LTF: variants seen among roughly 807,000 people sequenced by gnomAD.
The protein encoded by LTF is lactotransferrin, also known as epididymis luminal protein 110.
A neutral mutation model predicts 87.2 loss-of-function variants in LTF; 91 were observed. The ratio of observed to expected loss-of-function variants is 1.04; its 90% CI spans 0.88 to 1.24. The LOEUF (loss-of-function observed/expected upper bound fraction) is 1.24. Ranked by LOEUF, LTF falls within the 50% of genes most tolerant of loss-of-function variation. The pLI is 0.00. For missense variants in LTF, 901 were observed against 904.3 expected (o/e 1.00, Z 0.05); for synonymous variants, 378 against 356.1 (o/e 1.06, Z -0.69).
intron 6 of LTF, chr3:46,454,052 G>A: frequency 1.9e-6 from 1 of 513,868 alleles, no homozygotes; most frequent in Non-Finnish European, 3.5e-6. Flanking sequence ...ATGTGTCTTG[G>A]AGGACTGGAG....
At position 46,435,961 on chromosome 3, in the gene LTF, T is replaced by C. The variant is rs1702375771; in HGVS notation, c.*234A>G. 1 of 562,352 alleles carries C rather than the reference T, an allele frequency of 1.8e-6. No individual in the cohort carries two copies. Among genetic ancestry groups the C allele is most frequent in the Non-Finnish European group, 3.2e-6 (1 of 315,168 alleles). The allele number at this position is 562,352 out of a possible 1,614,324, so 34.8% of individuals were successfully genotyped here. ...AACTGTACAGGTATTTTGTCAGGCA[T>C]GTGATTTCAGTATAAAATTCTAGAA... On this transcript the variant is annotated 3_prime_UTR_variant, in exon 17 of 17. Transcript: ENST00000231751.
chr3:46,455,032 C>G (rs1702892073), intron 5 of LTF, among the ~76,000 whole-genome samples: 1 of 152,190 alleles, frequency 6.6e-6, no homozygotes, highest in Admixed American at 6.5e-5. Context: ...ATTCAGGGCT[C>G]TCTGAGGTAA....
In LTF at chr3:46,462,914, C is replaced by T. The variant is rs199831254; in HGVS notation, c.43+1911G>A. On this transcript the variant is annotated intron_variant, in intron 1 of 16. Coordinates refer to ENST00000231751, the MANE Select transcript of LTF (RefSeq NM_002343.6). ...GCCGGAGGTGGGGGCTGAGCAATGA[C>T]GGGAACCTGTGGGCAGAGTTCATTT... Among the ~76,000 whole-genome samples, 8 of 152,012 alleles carry T rather than the reference C, an allele frequency of 5.3e-5. No individual in the cohort carries two copies. In the East Asian group the frequency reaches 9.7e-4, roughly 18 times the overall value.
At chr3:46,463,484 G>T in intron 1 of LTF, 1 of 985,724 alleles carries the variant, frequency 1.0e-6, no homozygotes. Context: ...GAGCAGGGCA[G>T]GAATTCCACA....
chr3:46,456,187 G>A (rs1049737658), intron 3 of LTF, 103 bp downstream of exon 3: 64 of 1,074,044 alleles, frequency 6.0e-5, no homozygotes, highest in Admixed American at 3.1e-4. Flanking sequence ...CATGTGTGAT[G>A]TGACCCAGAC....
Position 46,454,312 on chromosome 3 carries a change from T to C in LTF, c.696A>G (p.Thr232=). 2 of 1,614,122 alleles carry C rather than the reference T, an allele frequency of 1.2e-6. No individual in the cohort carries two copies. The highest frequency in any genetic ancestry group is 2.2e-5 in the South Asian group (2 of 91,076). The change falls in exon 6 of 17, where the codon ACA becomes ACG. Residue 232 remains threonine (T), a synonymous_variant. Coordinates refer to ENST00000231751, the MANE Select transcript of LTF (RefSeq NM_002343.6). The part of the protein sequence containing the change: ...AGDVAFIRES[T]VFEDLSDEAE... Reference sequence around the variant, plus strand: ...TCATTACCCTGCTCTTACCAAACACTGTGCTCTCTCTGATAAAAGCCACGT... The same window carrying C: ...TCATTACCCTGCTCTTACCAAACACCGTGCTCTCTCTGATAAAAGCCACGT...
Position 46,463,834 on chromosome 3 carries a change from C to T in LTF, c.43+991G>A, listed in dbSNP as rs556636031. 9.5e-4 allele frequency among the ~76,000 whole-genome samples: 145 copies of T among 152,322 alleles called. 3 individuals are homozygous for T. The South Asian group carries it at 0.022, about 23-fold the overall frequency. On this transcript the variant is annotated intron_variant, in intron 1 of 16. Transcript: ENST00000231751. ...TCTGTCTTAGAGAAGAGAAGGATGA[C>T]CAACACCCATGGGAAGGAATTTGGA...
At chr3:46,442,386 C>A (rs1702545222) in intron 13 of LTF, among the ~76,000 whole-genome samples, 1 of 151,882 alleles carries the variant, frequency 6.6e-6, no homozygotes, top group Admixed American at 6.6e-5. Flanking sequence ...TAAATTTCCC[C>A]AATCTAGATT....
chr3:46,482,759 GAGAA>G lies in LTF; in HGVS notation c.-320+2223_-320+2226del, dbSNP rs563840326. On this transcript the variant is annotated intron_variant, in intron 1 of 19. Transcript: ENST00000443496. The stretch of plus-strand genomic sequence containing the variant: ...GGAAGGAAGGAAGGAAAGAAGGAAA[GAGAA>G]AGAAAGAAAGAAAGAAAAAGAAAGA... Among the ~76,000 whole-genome samples, 999 of 122,790 alleles carry G rather than the reference GAGAA, an allele frequency of 8.1e-3. 50 individuals are homozygous for G. In the South Asian group the frequency reaches 0.085, roughly 10 times the overall value. 80.6% of individuals were successfully genotyped at this position (122,790 alleles called of 152,430 possible). A position where few individuals can be genotyped will look rare whatever the true frequency, so the allele number is the denominator to read the frequency against.
At chr3:46,472,928 C>T (rs1302967439) in intron 1 of LTF, among the ~76,000 whole-genome samples, 1 of 152,098 alleles carries the variant, frequency 6.6e-6, no homozygotes, top group Non-Finnish European at 1.5e-5. Context: ...TCTGGCAAGG[C>T]GGGGGCCAGA....
rs879221135 is a variant in LTF at position 46,445,280 on chromosome 3, C to T, written c.1513+1G>A. 3.1e-6 allele frequency: 5 copies of T among 1,606,378 alleles called. No homozygotes were observed. The highest frequency in any genetic ancestry group is 4.3e-6 in the Non-Finnish European group (5 of 1,175,834). On this transcript the variant is annotated splice_donor_variant, in intron 12 of 16. Transcript: ENST00000231751. LOFTEE classifies it high-confidence loss of function. ...CCCACCGCACCTTTGGAACTCCTTA[C>T]CAAATTTGCAGGAGCCCGTCTGGTT...
intron 12 of LTF, among the ~76,000 whole-genome samples, 174 bp downstream of exon 12, chr3:46,445,107 C>A (rs1196458073): frequency 1.3e-5 from 2 of 152,156 alleles, no homozygotes; most frequent in East Asian, 1.9e-4. Flanking sequence ...AGGGAAACCC[C>A]CAGTGCACCC....
chr3:46,465,108 T>C (rs1013427169), upstream of LTF: 12 of 567,172 alleles, frequency 2.1e-5, 1 homozygote, highest in African/African-American at 2.1e-4. Context: ...GTCCTGGTTC[T>C]GCCTGGCTGC....
At position 46,456,296 on chromosome 3, in the gene LTF, C is replaced by A. The variant is rs376842734; in HGVS notation, c.310G>T (p.Glu104Ter). Residue 104 changes from glutamate (E) to a stop codon, truncating the protein, a stop_gained, in exon 3 of 17, where the codon GAA becomes TAA. Transcript: ENST00000231751. LOFTEE classifies it high-confidence loss of function. ...RPVAAEVYGT[E>*]RQPRTHYYAV... ...GTCCCCAGGCAGAACTCACGTCTTT[C>A]GGTCCCGTAGACTTCCGCCGCTACA... 2 of 1,613,784 alleles carry A rather than the reference C, an allele frequency of 1.2e-6. No individual in the cohort carries two copies. Among genetic ancestry groups the A allele is most frequent in the African/African-American group, 1.3e-5 (1 of 74,892 alleles).
intron 1 of LTF, among the ~76,000 whole-genome samples, chr3:46,482,536 AAGGGAAGGGAAGGGAAGGGAAGGG>A (rs1559614494): frequency 0.045 from 4,017 of 89,654 alleles, 378 homozygotes; most frequent in South Asian, 0.057. Context: ...AAGGGAAGGG[AAGGGAAGGGAAGGGAAGGGAAGGG>A]AAGGGAAGGG....
chr3:46,482,655 AGAAAGAAGGAAGGAAGGAAGGAAG>A (rs1215148653), intron 1 of LTF, among the ~76,000 whole-genome samples: 10 of 87,114 alleles, frequency 1.1e-4, no homozygotes, highest in African/African-American at 4.4e-4. Context: ...AAAGAAAGAA[AGAAAGAAGGAAGGAAGGAAGGAAG>A]GAAGGAAGGA....
Position 46,437,984 on chromosome 3 carries a change from T to C in LTF, c.2054A>G (p.Gln685Arg). The C allele has an allele frequency of 6.2e-7, 1 of 1,614,136 alleles. No homozygotes were observed. Among genetic ancestry groups the C allele is most frequent in the Non-Finnish European group, 8.5e-7 (1 of 1,180,024 alleles). ...CAGATTAGTAATGCCTGCGACATAC[T>C]GTGGTCCCAAATATTTTTCATATGT... Reference protein sequence around the residue: ...KTTYEKYLGPQYVAGITNLKK... With the variant: ...KTTYEKYLGPRYVAGITNLKK... Residue 685 changes from glutamine (Q) to arginine (R), a missense_variant, in exon 16 of 17, where the codon CAG becomes CGG. By Grantham distance (43) the Gln-to-Arg change is conservative. Transcript: ENST00000231751.
At chr3:46,477,470 G>A (rs1459266067) in intron 1 of LTF, among the ~76,000 whole-genome samples, 1 of 152,202 alleles carries the variant, frequency 6.6e-6, no homozygotes, top group East Asian at 1.9e-4. Context: ...TGATGAGAGT[G>A]GTTAAACATC....
intron 1 of LTF, among the ~76,000 whole-genome samples, chr3:46,483,747 T>C (rs931343454): frequency 2.6e-5 from 4 of 152,202 alleles, no homozygotes; most frequent in Non-Finnish European, 4.4e-5. Flanking sequence ...TACACAAATA[T>C]TAATTGTGCA....
Sources: allele counts gnomAD v4.1 joint callset (sites outside exome capture counted in the v4.1 genomes callset), GRCh38; gene constraint gnomAD v4.1.1; transcripts MANE v1.5; gene names NCBI Gene and HGNC (gene_info 2026-07-23, HGNC 2026-07-21).